Variants in SEPTIN10 observed in about 807,000 individuals in gnomAD.
SEPTIN10 encodes septin 10.
Under a neutral mutation model 54.8 loss-of-function variants are expected in SEPTIN10, and 66 were observed. That is an observed-to-expected ratio of 1.21 (90% confidence interval 0.99 to 1.48). The LOEUF is 1.48. SEPTIN10 is among the 40% of genes most tolerant of loss of function. The probability of loss-of-function intolerance (pLI) is 0.00; values close to 1 mark genes in which losing one functional copy is unlikely to be tolerated. For synonymous variants in SEPTIN10, 161 were observed against 181.0 expected (o/e 0.89, Z 0.89); for missense variants, 620 against 545.6 (o/e 1.14, Z -1.36).
chr2:109,589,960 T>A (rs1021621902), intron 2 of SEPTIN10, among the ~76,000 whole-genome samples: 1 of 151,950 alleles, frequency 6.6e-6, no homozygotes, highest in Non-Finnish European at 1.5e-5. Flanking sequence ...ATTTATTTAC[T>A]GAGGTCAGAG....
At chr2:109,559,452 T>C (rs1685126014) in intron 8 of SEPTIN10, among the ~76,000 whole-genome samples, 2 of 152,206 alleles carry the variant, frequency 1.3e-5, no homozygotes, top group African/African-American at 4.8e-5. Context: ...ACCCAGTCCG[T>C]AGCCTGACCT....
intron 4 of SEPTIN10, among the ~76,000 whole-genome samples, chr2:109,578,949 G>T (rs1690434569): frequency 6.6e-6 from 1 of 151,914 alleles, no homozygotes; most frequent in African/African-American, 2.4e-5. Flanking sequence ...TAATGAAACA[G>T]GAAAAAAGAA....
intron 9 of SEPTIN10, among the ~76,000 whole-genome samples, chr2:109,549,973 C>G (rs1682462668): frequency 6.6e-6 from 1 of 152,136 alleles, no homozygotes; most frequent in Non-Finnish European, 1.5e-5. Context: ...AATGCTGTAT[C>G]TTTTGTAAAC....
intron 9 of SEPTIN10, 190 bp downstream of exon 9, chr2:109,552,897 A>C (rs927603488): frequency 3.4e-5 from 21 of 621,424 alleles, no homozygotes; most frequent in Non-Finnish European, 4.8e-5. Flanking sequence ...AAAAAAAAGA[A>C]GGCCAAAGTT....
chr2:109,602,583 G>A lies in SEPTIN10; in HGVS notation c.31-9464C>T, dbSNP rs537732167. On this transcript the variant is annotated intron_variant, in intron 1 of 10. Transcript: ENST00000397712. ...CCAGCTACTCGGGAGGGTGAGGCAG[G>A]AGAATCGCTTGAACCTGGGAGGCAG... 5.6e-4 allele frequency among the ~76,000 whole-genome samples: 85 copies of A among 151,854 alleles called. 1 individual carries two copies. The South Asian group carries it at 0.017, about 30-fold the overall frequency.
chr2:109,581,436 C>CAA (rs1046174869), intron 4 of SEPTIN10, among the ~76,000 whole-genome samples: 4 of 98,710 alleles, frequency 4.1e-5, no homozygotes, highest in Admixed American at 1.1e-4. Flanking sequence ...GACCCTGTCT[C>CAA]AAAAAAAAAA....
At chr2:109,587,058 A>T (rs1692734623) in intron 2 of SEPTIN10, among the ~76,000 whole-genome samples, 1 of 152,242 alleles carries the variant, frequency 6.6e-6, no homozygotes, top group Non-Finnish European at 1.5e-5. Context: ...AGAGAGCCAC[A>T]ATGAACCAGA....
intron 1 of SEPTIN10, among the ~76,000 whole-genome samples, chr2:109,594,491 T>C (rs1694844519): frequency 6.6e-6 from 1 of 152,078 alleles, no homozygotes. Context: ...GAATCTCTCC[T>C]GGAGACTGTT....
intron 8 of SEPTIN10, among the ~76,000 whole-genome samples, chr2:109,563,636 A>G (rs1261590661): frequency 6.6e-6 from 1 of 152,206 alleles, no homozygotes; most frequent in African/African-American, 2.4e-5. Flanking sequence ...TTAATGCTTT[A>G]TATTACTGAG....
chr2:109,613,779 C>A lies in SEPTIN10; in HGVS notation c.30+19G>T. 8.2e-7 allele frequency: 1 copy of A among 1,222,176 alleles called. No individual in the cohort carries two copies. Among genetic ancestry groups the A allele is most frequent in the Non-Finnish European group, 1.0e-6 (1 of 981,276 alleles). The allele number at this position is 1,222,176 out of a possible 1,614,324, so 75.7% of individuals were successfully genotyped here. On this transcript the variant is annotated intron_variant, in intron 1 of 10. Coordinates refer to ENST00000397712, the MANE Select transcript of SEPTIN10 (RefSeq NM_144710.5). ...GCCGGGGAGCGCGGGGCTGGGGCCC[C>A]GGCGTCGGCGGGACTCACCAGGTGC...
At chr2:109,557,312 C>T (rs773875300) in intron 8 of SEPTIN10, among the ~76,000 whole-genome samples, 11 of 152,146 alleles carry the variant, frequency 7.2e-5, no homozygotes, top group Non-Finnish European at 1.3e-4. Context: ...GAGAAGAGAC[C>T]TAACATTTGT....
At chr2:109,559,251 A>G (rs1055105666) in intron 8 of SEPTIN10, among the ~76,000 whole-genome samples, 2 of 152,230 alleles carry the variant, frequency 1.3e-5, no homozygotes, top group Non-Finnish European at 2.9e-5. Context: ...AATGAGCTAC[A>G]AAAGCCTTAT....
intron 4 of SEPTIN10, among the ~76,000 whole-genome samples, chr2:109,576,975 CAAG>C (rs1486556408): frequency 2.0e-5 from 3 of 151,980 alleles, no homozygotes; most frequent in Non-Finnish European, 2.9e-5. Flanking sequence ...TATTCAGAGT[CAAG>C]AACTCAAACA....
chr2:109,581,580 G>A (rs1289592444), intron 4 of SEPTIN10, among the ~76,000 whole-genome samples: 2 of 151,326 alleles, frequency 1.3e-5, no homozygotes, highest in African/African-American at 2.4e-5. Context: ...GAAGAAATGG[G>A]ACTGAACACA....
At chr2:109,559,850 C>T (rs576786662) in intron 8 of SEPTIN10, among the ~76,000 whole-genome samples, 2 of 151,842 alleles carry the variant, frequency 1.3e-5, no homozygotes, top group East Asian at 1.9e-4. Context: ...ATGGTTTCTA[C>T]CTGTTGCAGG....
At chr2:109,579,002 T>C (rs1690443376) in intron 4 of SEPTIN10, among the ~76,000 whole-genome samples, 1 of 152,090 alleles carries the variant, frequency 6.6e-6, no homozygotes, top group Admixed American at 6.6e-5. Context: ...AATTTGGTAT[T>C]TGAAAAGATT....
At chr2:109,577,144 G>C (rs903316571) in intron 4 of SEPTIN10, among the ~76,000 whole-genome samples, 1 of 152,146 alleles carries the variant, frequency 6.6e-6, no homozygotes, top group Non-Finnish European at 1.5e-5. Flanking sequence ...AGCCAGGAGA[G>C]AGTGGAATGA....
intron 4 of SEPTIN10, among the ~76,000 whole-genome samples, chr2:109,576,773 C>T (rs919796526): frequency 1.3e-5 from 2 of 152,070 alleles, no homozygotes; most frequent in Admixed American, 6.6e-5. Flanking sequence ...ATATGCCATT[C>T]TTTCATACTC....
chr2:109,551,051 C>T (rs1046071103), intron 9 of SEPTIN10, among the ~76,000 whole-genome samples: 18 of 152,042 alleles, frequency 1.2e-4, no homozygotes, highest in Non-Finnish European at 2.4e-4. Context: ...ATAGGAAATC[C>T]GTCTGTCATA....
Sources: allele counts gnomAD v4.1 joint callset (sites outside exome capture counted in the v4.1 genomes callset), GRCh38; gene constraint gnomAD v4.1.1; transcripts MANE v1.5; gene names NCBI Gene and HGNC (gene_info 2026-07-23, HGNC 2026-07-21).